The following GPR37 variants were observed in gnomAD, a reference collection of about 807,000 sequenced individuals.
GPR37 encodes G protein-coupled receptor 37.
A neutral mutation model predicts 43.6 loss-of-function variants in GPR37; 20 were observed. That is an observed-to-expected ratio of 0.46 (90% CI 0.32 to 0.67). GPR37 has a LOEUF of 0.67. Among genes scored for constraint, GPR37 ranks in the 30% least tolerant of loss-of-function variants. The pLI, the probability that GPR37 is intolerant of heterozygous loss-of-function variation, is 0.03. For missense variants in GPR37, 724 were observed against 797.2 expected (o/e 0.91, Z 1.11); for synonymous variants, 315 against 322.6 (o/e 0.98, Z 0.25).
chr7:124,746,320 C>T lies in GPR37; in HGVS notation c.*205G>A, dbSNP rs915011900. On this transcript the variant is annotated 3_prime_UTR_variant, in exon 2 of 2. Transcript: ENST00000303921. ...AGATAAAATAATCTAAAACTATTGG[C>T]CTTCTCATTCTTCTTAAATAACTAA... 9.4e-6 allele frequency: 4 copies of T among 425,612 alleles called. No homozygotes were observed. Among genetic ancestry groups the T allele is most frequent in the African/African-American group, 8.2e-5 (4 of 48,608 alleles). 26.4% of individuals were successfully genotyped at this position (425,612 alleles called of 1,614,324 possible). A position where few individuals can be genotyped will look rare whatever the true frequency, so the allele number is the denominator to read the frequency against.
At chr7:124,759,481 CT>C (rs1324356394) in intron 1 of GPR37, among the ~76,000 whole-genome samples, 3 of 152,174 alleles carry the variant, frequency 2.0e-5, no homozygotes, top group African/African-American at 7.2e-5. Context: ...TCCACCTCCC[CT>C]AATACACATA....
At chr7:124,759,072 T>C (rs1052942826) in intron 1 of GPR37, among the ~76,000 whole-genome samples, 6 of 151,428 alleles carry the variant, frequency 4.0e-5, no homozygotes, top group African/African-American at 1.2e-4. Context: ...TTGAATTTTT[T>C]TTTTTTTTTT....
intron 1 of GPR37, among the ~76,000 whole-genome samples, chr7:124,755,934 T>TCATTA (rs1793786490): frequency 1.3e-5 from 2 of 152,188 alleles, no homozygotes; most frequent in African/African-American, 4.8e-5. Flanking sequence ...TTTGCATGAC[T>TCATTA]GTGAACTCAA....
intron 1 of GPR37, among the ~76,000 whole-genome samples, chr7:124,747,650 C>T (rs1442900566): frequency 6.6e-6 from 1 of 152,028 alleles, no homozygotes; most frequent in East Asian, 1.9e-4. Flanking sequence ...GATCAGAACC[C>T]AGATACACTA....
At chr7:124,751,535 A>G (rs892529181) in intron 1 of GPR37, among the ~76,000 whole-genome samples, 8 of 152,138 alleles carry the variant, frequency 5.3e-5, no homozygotes, top group African/African-American at 1.9e-4. Flanking sequence ...CCAAACATGA[A>G]ATCTATCCAT....
chr7:124,747,473 C>G, intron 1 of GPR37, 130 bp from the exon 2 acceptor site: 2 of 634,546 alleles, frequency 3.2e-6, no homozygotes, highest in East Asian at 2.8e-5. Context: ...AGAGAGAGAA[C>G]AGTTTTCCAG....
chr7:124,760,965 G>A (rs1243203579), intron 1 of GPR37, among the ~76,000 whole-genome samples: 2 of 152,056 alleles, frequency 1.3e-5, no homozygotes, highest in African/African-American at 4.8e-5. Context: ...AGACCATCCT[G>A]GCCAACATGG....
intron 1 of GPR37, 147 bp downstream of exon 1, chr7:124,763,807 T>C (rs1793877863): frequency 4.1e-6 from 3 of 730,620 alleles, no homozygotes; most frequent in Admixed American, 2.3e-5. Context: ...CATACATGCA[T>C]AAATGATTGG....
chr7:124,754,807 T>C (rs967236889), intron 1 of GPR37, among the ~76,000 whole-genome samples: 1 of 152,142 alleles, frequency 6.6e-6, no homozygotes, highest in Non-Finnish European at 1.5e-5. Context: ...TAACAACCAG[T>C]CAGGAAAAGA....
In GPR37 at chr7:124,764,897, G is replaced by A. The variant is rs771620776; in HGVS notation, c.80C>T (p.Ala27Val). 3.1e-6 allele frequency: 5 copies of A among 1,601,660 alleles called. No homozygotes were observed. The African/African-American group carries it at 4.0e-5, about 13-fold the overall frequency. The change falls in exon 1 of 2, where the codon GCC becomes GTC. Residue 27 changes from alanine to valine, a missense_variant. Around this residue, in one of 2 missense-constraint regions of GPR37, gnomAD observed 382 missense variants for 355.4 expected, o/e 1.07. Transcript: ENST00000303921. This position sits in a 1 kb window ranked among gnomAD's most constrained non-coding sequence, Gnocchi z 5.4. ...LLLLKVSASS[A>V]LGVAPASRNE... ...TCTGGACGCAGGGGCGACCCCGAGGGCAGAAGAGGCAGACACCTTGAGCAG... is the reference window on the plus strand; with the variant it reads ...TCTGGACGCAGGGGCGACCCCGAGGACAGAAGAGGCAGACACCTTGAGCAG...
At position 124,765,247 on chromosome 7, in the gene GPR37, C is replaced by T. The variant is rs34961856; in HGVS notation, c.-271G>A. ...CTCCAAGGTTCCTAGAGGGAATAGG[C>T]TACTCCCGGTGGCTGACCTTGAAAA... On this transcript the variant is annotated 5_prime_UTR_variant, in exon 1 of 2. Transcript: ENST00000303921. 787 of 393,442 alleles carry T rather than the reference C, an allele frequency of 2.0e-3. 9 individuals carry two copies. The East Asian group carries it at 0.029, about 14-fold the overall frequency. 24.4% of individuals were successfully genotyped at this position (393,442 alleles called of 1,614,324 possible).
In GPR37 at chr7:124,764,099, C is replaced by G; in HGVS notation, c.878G>C (p.Arg293Pro). Residue 293 changes from arginine (R) to proline (P), a missense_variant, in exon 1 of 2, where the codon CGG becomes CCG. This residue lies in a region of GPR37 where 342 missense variants were observed against 441.8 expected (regional missense o/e 0.77). Transcript: ENST00000303921. This position sits in a 1 kb window ranked among gnomAD's most constrained non-coding sequence, Gnocchi z 5.4. ...MCIVCHNYYM[R>P]SISNSLLANL... ...GGCCAAGAGGGAGTTGGAGATGCTC[C>G]GCATGTAGTAGTTGTGGCACACGAT... 6.2e-7 allele frequency: 1 copy of G among 1,613,870 alleles called. No homozygotes were observed. The highest frequency in any genetic ancestry group is 8.5e-7 in the Non-Finnish European group (1 of 1,179,914).
chr7:124,764,323 C>A lies in GPR37; in HGVS notation c.654G>T (p.Ala218=). 6.2e-7 allele frequency: 1 copy of A among 1,610,610 alleles called. No individual in the cohort carries two copies. Among genetic ancestry groups the A allele is most frequent in the Non-Finnish European group, 8.5e-7 (1 of 1,178,444 alleles). Residue 218 remains alanine (A), a synonymous_variant, in exon 1 of 2, where the codon GCG becomes GCT. Transcript: ENST00000303921. The surrounding 1 kb of genome is among the most constrained non-coding windows in gnomAD (Gnocchi z 5.4). ...EGWTIALPGR[A]LAQNGSLGEG... is the part of the protein sequence containing the mutation. The stretch of plus-strand genomic sequence containing the variant: ...CACCCAAGGATCCATTCTGGGCCAG[C>A]GCCCGGCCCGGGAGTGCAATTGTCC...
chr7:124,763,571 T>TG (rs1181513404), intron 1 of GPR37, among the ~76,000 whole-genome samples: 4 of 152,022 alleles, frequency 2.6e-5, no homozygotes, highest in South Asian at 4.2e-4. Flanking sequence ...GCTAATGTTT[T>TG]TTTTTTTTTC....
intron 1 of GPR37, among the ~76,000 whole-genome samples, chr7:124,758,186 C>T (rs184151590): frequency 0.011 from 1,606 of 152,272 alleles, 29 homozygotes; most frequent in African/African-American, 0.034. Flanking sequence ...GATCCAAATT[C>T]AGTTAACTTC....
At chr7:124,751,163 G>A (rs1414293176) in intron 1 of GPR37, among the ~76,000 whole-genome samples, 4 of 151,952 alleles carry the variant, frequency 2.6e-5, no homozygotes, top group African/African-American at 9.7e-5. Context: ...AGTCCAGAAG[G>A]GTCACAAGAG....
intron 1 of GPR37, among the ~76,000 whole-genome samples, chr7:124,754,389 G>T (rs978806778): frequency 1.3e-5 from 2 of 152,126 alleles, no homozygotes; most frequent in Admixed American, 6.6e-5. Flanking sequence ...TTAAAAATGA[G>T]AGTAAGACGT....
rs183452887 is a variant in GPR37 at position 124,745,398 on chromosome 7, A to G, written c.*1127T>C. 1.3e-5 allele frequency among the ~76,000 whole-genome samples: 2 copies of G among 152,300 alleles called. No homozygotes were observed. Among genetic ancestry groups the G allele is most frequent in the African/African-American group, 4.8e-5 (2 of 41,570 alleles). On this transcript the variant is annotated 3_prime_UTR_variant, in exon 2 of 2. Transcript: ENST00000303921. ...TGCATTTTAAACTCCAGAAGAGGCAAAAGAGGGGATTCAAATATTCCCAAT... is the reference window on the plus strand; with the variant it reads ...TGCATTTTAAACTCCAGAAGAGGCAGAAGAGGGGATTCAAATATTCCCAAT...
intron 1 of GPR37, among the ~76,000 whole-genome samples, chr7:124,762,085 G>A (rs1441448696): frequency 6.6e-6 from 1 of 152,172 alleles, no homozygotes; most frequent in East Asian, 1.9e-4. Context: ...CACTCTTAAG[G>A]AGGAGCTGAT....
Sources: gnomAD v4.1 joint callset for allele counts (sites outside exome capture counted in the v4.1 genomes callset) on GRCh38, gnomAD v4.1.1 for gene constraint, gnomAD v4.1.1 regional missense constraint, Gnocchi (gnomAD v3.1) non-coding constraint, MANE v1.5 for transcripts, NCBI Gene and HGNC (gene_info 2026-07-23, HGNC 2026-07-21) for gene names.